BRINP3: variants seen among roughly 807,000 people sequenced by gnomAD.
BRINP3 encodes the protein BMP/retinoic acid inducible neural specific 3.
BRINP3 carries 19 observed loss-of-function variants against 71.0 expected under a neutral mutation model. The ratio of observed to expected loss-of-function variants is 0.27; its 90% CI spans 0.19 to 0.39. The LOEUF (loss-of-function observed/expected upper bound fraction) is 0.39. Ranked by LOEUF, BRINP3 falls within the 10% of genes least tolerant of loss-of-function variation. BRINP3 has a pLI of 1.00. For missense variants in BRINP3, 959 were observed against 940.8 expected (o/e 1.02, Z -0.25); for synonymous variants, 380 against 337.7 (o/e 1.13, Z -1.37).
intron 2 of BRINP3, among the ~76,000 whole-genome samples, chr1:190,449,361 G>T (rs1160034456): frequency 2.0e-5 from 3 of 151,830 alleles, no homozygotes; most frequent in Non-Finnish European, 4.4e-5. Context: ...ATTCATGTGT[G>T]CTTGTTTGTG....
At chr1:190,154,143 T>A (rs1656662221) in intron 7 of BRINP3, 1 of 811,340 alleles carries the variant, frequency 1.2e-6, no homozygotes, top group African/African-American at 1.9e-5. Context: ...TGACACATAT[T>A]CTTCTTCCCT....
At chr1:190,124,023 T>A (rs543457564) in intron 7 of BRINP3, among the ~76,000 whole-genome samples, 35 of 152,298 alleles carry the variant, frequency 2.3e-4, no homozygotes, top group African/African-American at 7.5e-4. Context: ...TCTATACTTA[T>A]ATATGGCATA....
chr1:190,151,212 C>A (rs1656366389), intron 7 of BRINP3, among the ~76,000 whole-genome samples: 1 of 152,016 alleles, frequency 6.6e-6, no homozygotes, highest in Non-Finnish European at 1.5e-5. Context: ...AAAAGGCATC[C>A]ACTTATTCAA....
intron 2 of BRINP3, among the ~76,000 whole-genome samples, chr1:190,383,985 T>C (rs994030360): frequency 2.6e-5 from 4 of 151,894 alleles, no homozygotes; most frequent in Non-Finnish European, 5.9e-5. Flanking sequence ...GTTTTACAGA[T>C]GAAAACATTG....
At chr1:190,150,482 A>G (rs1438962951) in intron 7 of BRINP3, among the ~76,000 whole-genome samples, 1 of 152,144 alleles carries the variant, frequency 6.6e-6, no homozygotes, top group Non-Finnish European at 1.5e-5. Context: ...AGCAACTCAA[A>G]TTAGGTTTTC....
chr1:190,473,773 A>T (rs1367176065), intron 1 of BRINP3, among the ~76,000 whole-genome samples: 26 of 142,430 alleles, frequency 1.8e-4, no homozygotes, highest in African/African-American at 4.9e-4. Context: ...ATAATTTTCT[A>T]TTTTTTTTTT....
chr1:190,470,210 G>T (rs936701934), intron 1 of BRINP3, among the ~76,000 whole-genome samples: 6 of 150,946 alleles, frequency 4.0e-5, no homozygotes, highest in Admixed American at 4.0e-4. Context: ...GCTTAATCCT[G>T]ATGAGCTTGG....
At chr1:190,407,463 C>T (rs1328830564) in intron 2 of BRINP3, among the ~76,000 whole-genome samples, 1 of 152,082 alleles carries the variant, frequency 6.6e-6, no homozygotes, top group African/African-American at 2.4e-5. Context: ...AATCCTTATA[C>T]AGTCAGTCAA....
At chr1:190,231,155 C>T (rs1441639482) in intron 5 of BRINP3, among the ~76,000 whole-genome samples, 1 of 151,626 alleles carries the variant, frequency 6.6e-6, no homozygotes, top group African/African-American at 2.4e-5. Flanking sequence ...TTTGAAAACA[C>T]ATGGCTTGAA....
At chr1:190,111,295 A>ATTTCT in intron 7 of BRINP3, among the ~76,000 whole-genome samples, 1 of 150,830 alleles carries the variant, frequency 6.6e-6, no homozygotes, top group East Asian at 2.0e-4. Context: ...TACTCAAAAT[A>ATTTCT]TTTCTTTTCT....
At chr1:190,138,678 G>T (rs935063238) in intron 7 of BRINP3, among the ~76,000 whole-genome samples, 6 of 152,166 alleles carry the variant, frequency 3.9e-5, no homozygotes, top group South Asian at 2.1e-4. Context: ...CAGTCCACCT[G>T]CAGAGTTGCA....
chr1:190,155,074 T>C (rs150997184), intron 7 of BRINP3, among the ~76,000 whole-genome samples: 5 of 152,222 alleles, frequency 3.3e-5, no homozygotes, highest in African/African-American at 1.2e-4. Flanking sequence ...ATGATGATAT[T>C]AATAATAAGT....
chr1:190,387,182 T>C (rs1670966535), intron 2 of BRINP3, among the ~76,000 whole-genome samples: 1 of 151,976 alleles, frequency 6.6e-6, no homozygotes, highest in African/African-American at 2.4e-5. Context: ...CACAATAAAT[T>C]TTAAAGGCTA....
At chr1:190,159,503 G>C (rs1294383372) in intron 7 of BRINP3, among the ~76,000 whole-genome samples, 2 of 152,020 alleles carry the variant, frequency 1.3e-5, no homozygotes, top group Non-Finnish European at 2.9e-5. Context: ...ACAATATGTG[G>C]TATACCCATA....
chr1:190,137,505 C>T (rs1655077015), intron 7 of BRINP3, among the ~76,000 whole-genome samples: 1 of 148,714 alleles, frequency 6.7e-6, no homozygotes, highest in East Asian at 2.0e-4. Context: ...GAAGGAAGTA[C>T]AATACAAGAA....
chr1:190,261,479 CA>C (rs1316489552), intron 4 of BRINP3, among the ~76,000 whole-genome samples: 1 of 151,920 alleles, frequency 6.6e-6, no homozygotes, highest in Non-Finnish European at 1.5e-5. Flanking sequence ...TTATAAAAGA[CA>C]AAACAAACAT....
chr1:190,291,881 A>C (rs1206497686), intron 2 of BRINP3, among the ~76,000 whole-genome samples: 2 of 152,208 alleles, frequency 1.3e-5, no homozygotes, highest in African/African-American at 4.8e-5. Context: ...TAGCCAAGAC[A>C]TAGACCCAAC....
intron 2 of BRINP3, among the ~76,000 whole-genome samples, chr1:190,447,479 G>T (rs1675303762): frequency 6.8e-6 from 1 of 147,100 alleles, no homozygotes; most frequent in Non-Finnish European, 1.5e-5. Context: ...AAGGGAAAGA[G>T]ATTGAAGTTA....
At chr1:190,102,544 A>C (rs1393762117) in intron 7 of BRINP3, among the ~76,000 whole-genome samples, 1 of 152,106 alleles carries the variant, frequency 6.6e-6, no homozygotes, top group Non-Finnish European at 1.5e-5. Flanking sequence ...TTTATCAAAC[A>C]GGTGGCAATA....
Sources: allele counts gnomAD v4.1 joint callset (sites outside exome capture counted in the v4.1 genomes callset), GRCh38; gene constraint gnomAD v4.1.1; transcripts MANE v1.5; gene names NCBI Gene and HGNC (gene_info 2026-07-23, HGNC 2026-07-21).